The following ATF2 variants were observed in gnomAD, a reference collection of about 807,000 sequenced individuals.
ATF2 encodes cyclic AMP-dependent transcription factor ATF-2.
Under a neutral mutation model 60.6 loss-of-function variants are expected in ATF2, and 24 were observed. That is an observed-to-expected ratio of 0.40 (90% CI 0.29 to 0.56). The LOEUF is 0.56. ATF2 is among the 20% of genes least tolerant of loss of function. The pLI, the probability that ATF2 is intolerant of heterozygous loss-of-function variation, is 0.54. For missense variants in ATF2, 433 were observed against 607.7 expected (o/e 0.71, Z 3.02); for synonymous variants, 206 against 215.4 (o/e 0.96, Z 0.38).
chr2:175,167,941 G>A (rs1700482054), intron 1 of ATF2, 109 bp downstream of exon 1: 1 of 352,210 alleles, frequency 2.8e-6, no homozygotes, highest in Non-Finnish European at 5.7e-6. Context: ...CCGAGGTGAT[G>A]GGAAACGGGG....
intron 10 of ATF2, among the ~76,000 whole-genome samples, chr2:175,100,274 T>A (rs921590229): frequency 2.6e-5 from 4 of 152,202 alleles, no homozygotes; most frequent in Non-Finnish European, 5.9e-5. Context: ...ACTATCTGAC[T>A]CGTAAAAGAA....
chr2:175,107,983 C>T (rs944485044), intron 10 of ATF2, among the ~76,000 whole-genome samples: 13 of 152,064 alleles, frequency 8.5e-5, no homozygotes, highest in African/African-American at 2.9e-4. Flanking sequence ...TCTGCCCAGC[C>T]GCCACCCCGT....
chr2:175,117,740 T>G (rs922914220), intron 7 of ATF2, among the ~76,000 whole-genome samples: 1 of 151,878 alleles, frequency 6.6e-6, no homozygotes, highest in Non-Finnish European at 1.5e-5. Flanking sequence ...TAAGTTAAAT[T>G]TATAAATTTA....
intron 9 of ATF2, 142 bp from the exon 10 acceptor site, chr2:175,111,796 ATCCT>A: frequency 6.0e-6 from 4 of 670,002 alleles, no homozygotes; most frequent in Non-Finnish European, 7.2e-6. Context: ...TCTATACCAA[ATCCT>A]TATTTGGTCT....
intron 2 of ATF2, among the ~76,000 whole-genome samples, chr2:175,139,030 C>T (rs1223549691): frequency 1.3e-5 from 2 of 152,192 alleles, no homozygotes; most frequent in African/African-American, 4.8e-5. Context: ...GGTAGTATCA[C>T]CTACCTCACA....
At chr2:175,145,745 T>C (rs997620008) in intron 2 of ATF2, among the ~76,000 whole-genome samples, 1 of 152,164 alleles carries the variant, frequency 6.6e-6, no homozygotes, top group African/African-American at 2.4e-5. Context: ...CACAAGATAT[T>C]CAAGACGCAT....
chr2:175,136,021 T>TG (rs1174394056), intron 3 of ATF2, among the ~76,000 whole-genome samples: 1 of 150,486 alleles, frequency 6.6e-6, no homozygotes, highest in Non-Finnish European at 1.5e-5. Flanking sequence ...CTTTGTTTTT[T>TG]TTTTTTTTTT....
chr2:175,160,371 A>C (rs1206471926), intron 1 of ATF2, among the ~76,000 whole-genome samples: 1 of 152,104 alleles, frequency 6.6e-6, no homozygotes, highest in Non-Finnish European at 1.5e-5. Flanking sequence ...GGTGATAGAG[A>C]CCCTGTCTCT....
chr2:175,162,571 T>A (rs761071176), intron 1 of ATF2, among the ~76,000 whole-genome samples: 1 of 152,210 alleles, frequency 6.6e-6, no homozygotes, highest in Non-Finnish European at 1.5e-5. Flanking sequence ...AAAATAGGCA[T>A]AAACTGAAAA....
At chr2:175,124,750 T>C (rs1436930392) in intron 4 of ATF2, among the ~76,000 whole-genome samples, 1 of 151,962 alleles carries the variant, frequency 6.6e-6, no homozygotes. Context: ...ATCTCCTTTA[T>C]AAAACAGCTT....
chr2:175,142,860 T>G (rs1348849687), intron 2 of ATF2, among the ~76,000 whole-genome samples: 1 of 150,490 alleles, frequency 6.6e-6, no homozygotes, highest in Non-Finnish European at 1.5e-5. Context: ...CTGTGTGTGT[T>G]TTAAGAGACA....
Position 175,090,941 on chromosome 2 carries a change from T to C in ATF2, c.1185+2120A>G, listed in dbSNP as rs183187974. ...TTTATTTTGAATACTTAATTTTCCA[T>C]GGTTTTCTGCAATAATAAAGGGCTA... On this transcript the variant is annotated intron_variant, in intron 12 of 13. Transcript: ENST00000264110. 2.5e-3 allele frequency among the ~76,000 whole-genome samples: 377 copies of C among 152,314 alleles called. 3 individuals are homozygous for C. The highest frequency in any genetic ancestry group is 0.024 in the Middle Eastern group (7 of 290).
chr2:175,099,667 T>C (rs1224248618), intron 10 of ATF2, among the ~76,000 whole-genome samples: 2 of 152,202 alleles, frequency 1.3e-5, no homozygotes, highest in African/African-American at 4.8e-5. Flanking sequence ...ACCTGTGTTG[T>C]TGTATTATCT....
intron 11 of ATF2, among the ~76,000 whole-genome samples, chr2:175,095,923 C>A (rs1303165428): frequency 2.0e-5 from 3 of 152,146 alleles, no homozygotes; most frequent in African/African-American, 7.2e-5. Flanking sequence ...CATTGTTAAA[C>A]CCTGAGGTAT....
chr2:175,126,354 G>A (rs1348287193), intron 4 of ATF2, among the ~76,000 whole-genome samples: 1 of 152,036 alleles, frequency 6.6e-6, no homozygotes, highest in African/African-American at 2.4e-5. Context: ...TTGTGATACA[G>A]AAGTAAAACT....
At chr2:175,080,928 A>T (rs1347865235) in intron 12 of ATF2, among the ~76,000 whole-genome samples, 163 bp from the exon 13 acceptor site, 1 of 152,232 alleles carries the variant, frequency 6.6e-6, no homozygotes. Context: ...GGCAGCTTTT[A>T]TATTTTAGCA....
chr2:175,141,152 T>C (rs1290244267), intron 2 of ATF2, among the ~76,000 whole-genome samples: 1 of 149,770 alleles, frequency 6.7e-6, no homozygotes, highest in Non-Finnish European at 1.5e-5. Flanking sequence ...CTTCCTGCCA[T>C]AGCTGCATGA....
intron 10 of ATF2, among the ~76,000 whole-genome samples, chr2:175,107,731 G>C (rs1170910317): frequency 6.6e-6 from 1 of 152,200 alleles, no homozygotes; most frequent in Non-Finnish European, 1.5e-5. Context: ...ACGCCTGACT[G>C]GTTTTCGTAT....
chr2:175,142,720 A>AGAGAGAGAGAGTGTGT (rs1491359659), intron 2 of ATF2, among the ~76,000 whole-genome samples: 1 of 71,098 alleles, frequency 1.4e-5, no homozygotes, highest in African/African-American at 4.7e-5. Flanking sequence ...AGAGAGAGAG[A>AGAGAGAGAGAGTGTGT]GTGTGTGTGT....
Sources: allele counts gnomAD v4.1 joint callset (sites outside exome capture counted in the v4.1 genomes callset), GRCh38; gene constraint gnomAD v4.1.1; transcripts MANE v1.5; gene names NCBI Gene and HGNC (gene_info 2026-07-23, HGNC 2026-07-21).